PZP: variants seen among roughly 807,000 people sequenced by gnomAD.
PZP encodes the protein PZP alpha-2-macroglobulin like, also known as pregnancy zone protein.
PZP carries 150 observed loss-of-function variants against 179.8 expected under a neutral mutation model. The ratio of observed to expected loss-of-function variants is 0.83; its 90% CI spans 0.73 to 0.96. PZP has a LOEUF of 0.96. Among genes scored for constraint, PZP ranks in the 40% least tolerant of loss-of-function variants. The probability of loss-of-function intolerance (pLI) is 0.00; values close to 1 mark genes in which losing one functional copy is unlikely to be tolerated. For synonymous variants in PZP, 624 were observed against 652.3 expected (o/e 0.96, Z 0.66); for missense variants, 1,689 against 1,764.0 (o/e 0.96, Z 0.76).
chr12:9,141,224 C>T, the PZP span, among the ~76,000 whole-genome samples: 1 of 152,142 alleles, frequency 6.6e-6, no homozygotes, highest in African/African-American at 2.4e-5. Flanking sequence ...CTTTGGAACA[C>T]ATACCAATAA....
chr12:9,202,876 T>G (rs144058119), intron 2 of PZP, among the ~76,000 whole-genome samples, 192 bp from the exon 3 acceptor site: 27 of 152,310 alleles, frequency 1.8e-4, no homozygotes, highest in African/African-American at 6.5e-4. Flanking sequence ...TGGCCATCAA[T>G]AGAACCCAGA....
intron 15 of PZP, among the ~76,000 whole-genome samples, chr12:9,175,831 A>T (rs759490064): frequency 6.6e-6 from 1 of 150,704 alleles, no homozygotes; most frequent in South Asian, 2.1e-4. Flanking sequence ...GGTTGCAGAG[A>T]AAAAGGAATG....
chr12:9,202,092 T>C (rs1944193735), intron 4 of PZP, among the ~76,000 whole-genome samples: 1 of 152,190 alleles, frequency 6.6e-6, no homozygotes, highest in South Asian at 2.1e-4. Context: ...GAGTAACAAA[T>C]GCAGCTATTG....
At chr12:9,162,983 A>G (rs1940775684) in intron 21 of PZP, among the ~76,000 whole-genome samples, 1 of 152,122 alleles carries the variant, frequency 6.6e-6, no homozygotes, top group South Asian at 2.1e-4. Flanking sequence ...CCATGTGTCT[A>G]TGTGTTTGCA....
intron 8 of PZP, 41 bp downstream of exon 8, chr12:9,196,971 G>T (rs1227993047): frequency 7.2e-7 from 1 of 1,385,638 alleles, no homozygotes; most frequent in Non-Finnish European, 1.0e-6. Context: ...CTCACTGGTT[G>T]TAAACAGTGA....
At chr12:9,160,070 G>A (rs1941061894) in intron 24 of PZP, 45 bp from the exon 25 acceptor site, 5 of 1,550,014 alleles carry the variant, frequency 3.2e-6, no homozygotes, top group East Asian at 2.2e-5. Flanking sequence ...TTAAAGAAAG[G>A]CAGGCCATCC....
rs780730863 is a variant in PZP at position 9,152,262 on chromosome 12, C to A, written c.4170G>T (p.Lys1390Asn). ...PASNMVIVDV[K>N]MVSGFIPLKP... ...TCAGGGGAATAAAACCAGATACCAT[C>A]TTTACATCAACAATCACCATATTGG... is the stretch of plus-strand genomic sequence containing the variant. Residue 1390 changes from lysine to asparagine, a missense_variant, in exon 32 of 36, where the codon AAG (lysine) becomes AAT (asparagine). Coordinates refer to ENST00000261336, the MANE Select transcript of PZP (RefSeq NM_002864.3). 6.2e-7 allele frequency: 1 copy of A among 1,613,152 alleles called. No homozygotes were observed. The highest frequency in any genetic ancestry group is 1.7e-5 in the Admixed American group (1 of 59,996).
At chr12:9,201,276 T>C (rs1259496000) in intron 5 of PZP, 51 bp downstream of exon 5, 5 of 1,458,512 alleles carry the variant, frequency 3.4e-6, no homozygotes, top group Non-Finnish European at 3.8e-6. Context: ...CAGAACCTCC[T>C]ACTCTCTAAA....
At chr12:9,143,120 T>A in the PZP span, among the ~76,000 whole-genome samples, 3 of 152,136 alleles carry the variant, frequency 2.0e-5, no homozygotes, top group East Asian at 3.8e-4. Context: ...AGGGTTGAGG[T>A]TAGAATTATG....
At position 9,161,083 on chromosome 12, in the gene PZP, A is replaced by G; in HGVS notation, c.2822T>C (p.Leu941Pro). ...AGATTCTTTGACCACATTTGATGGG[A>G]GCTTCAAGGACAACTGCTCAGACAC... ...ANVSEQLSLK[L>P]PSNVVKESAR... Residue 941 changes from leucine (L) to proline (P), a missense_variant, in exon 23 of 36, where the codon CTC becomes CCC. This residue lies in a region of PZP where 746 missense variants were observed against 749.2 expected (regional missense o/e 1.00). Coordinates refer to ENST00000261336, the MANE Select transcript of PZP (RefSeq NM_002864.3). 2 of 1,602,300 alleles carry G rather than the reference A, an allele frequency of 1.2e-6. No individual in the cohort carries two copies. The highest frequency in any genetic ancestry group is 1.7e-6 in the Non-Finnish European group (2 of 1,170,152).
Position 9,160,299 on chromosome 12 carries a change from C to G in PZP, c.3049+15G>C, listed in dbSNP as rs754042818. Reference sequence around the variant, plus strand: ...CATTAGAGTAACAAAGTAAATTTTTCTCTGTCTCACTTACCAGTGATGAGA... The same window carrying G: ...CATTAGAGTAACAAAGTAAATTTTTGTCTGTCTCACTTACCAGTGATGAGA... On this transcript the variant is annotated intron_variant, in intron 24 of 35. Coordinates refer to ENST00000261336, the MANE Select transcript of PZP (RefSeq NM_002864.3). The G allele has an allele frequency of 1.3e-6, 2 of 1,583,500 alleles. No homozygotes were observed. Among genetic ancestry groups the G allele is most frequent in the Non-Finnish European group, 8.6e-7 (1 of 1,166,318 alleles).
At chr12:9,185,814 C>CTTTTCTTTTCTTTT (rs892496380) in intron 13 of PZP, among the ~76,000 whole-genome samples, 1 of 147,234 alleles carries the variant, frequency 6.8e-6, no homozygotes, top group Non-Finnish European at 1.5e-5. Flanking sequence ...CTTTTCTTTT[C>CTTTTCTTTTCTTTT]TTTTTTTTTT....
chr12:9,195,260 T>A (rs1943702560), intron 10 of PZP, among the ~76,000 whole-genome samples: 1 of 152,112 alleles, frequency 6.6e-6, no homozygotes, highest in Admixed American at 6.5e-5. Flanking sequence ...AAAAATACAT[T>A]AGAAGATATT....
chr12:9,149,098 G>T, intron 35 of PZP, 104 bp from the exon 36 acceptor site: 1 of 986,050 alleles, frequency 1.0e-6, no homozygotes, highest in Non-Finnish European at 1.6e-6. Flanking sequence ...GAAACTTTGT[G>T]AAAGGCCAGA....
intron 13 of PZP, among the ~76,000 whole-genome samples, chr12:9,190,034 A>C (rs1943366502): frequency 6.6e-6 from 1 of 151,758 alleles, no homozygotes; most frequent in Non-Finnish European, 1.5e-5. Context: ...ATGCTTATAC[A>C]CTCTTGGTGG....
intron 17 of PZP, among the ~76,000 whole-genome samples, chr12:9,167,742 T>C (rs1389808550): frequency 1.3e-5 from 2 of 152,228 alleles, no homozygotes; most frequent in African/African-American, 4.8e-5. Flanking sequence ...AGCTCTTTTT[T>C]TCCTGAGTGT....
At chr12:9,204,905 C>T (rs1281327494) in intron 1 of PZP, among the ~76,000 whole-genome samples, 1 of 151,830 alleles carries the variant, frequency 6.6e-6, no homozygotes, top group Non-Finnish European at 1.5e-5. Context: ...GAACAGCCTG[C>T]ACAACATTGT....
Position 9,182,045 on chromosome 12 carries a change from G to A in PZP, c.1619C>T (p.Ala540Val), listed in dbSNP as rs1359755647. The A allele has an allele frequency of 6.2e-7, 1 of 1,613,584 alleles. No homozygotes were observed. The highest frequency in any genetic ancestry group is 1.1e-5 in the South Asian group (1 of 91,016). The change falls in exon 14 of 36, where the codon GCC becomes GTC. Residue 540 changes from alanine to valine, a missense_variant. Ala to Val is a moderately conservative substitution (Grantham distance 64). Coordinates refer to ENST00000261336, the MANE Select transcript of PZP (RefSeq NM_002864.3). ...AACAACTTCTCCATCTGGTAAAATG[G>A]CAAAGATGAACATTCGTGCAATGGG... ...VAPIARMFIF[A>V]ILPDGEVVGD... is the part of the protein sequence containing the mutation.
At chr12:9,196,245 T>G in intron 10 of PZP, 85 bp downstream of exon 10, 2 of 886,792 alleles carry the variant, frequency 2.3e-6, no homozygotes, top group Non-Finnish European at 3.5e-6. Context: ...CTGATAACAC[T>G]AACCAAGTGT....
Sources: allele counts gnomAD v4.1 joint callset (sites outside exome capture counted in the v4.1 genomes callset), GRCh38; gene constraint gnomAD v4.1.1; regional missense constraint gnomAD v4.1.1; transcripts MANE v1.5; gene names NCBI Gene and HGNC (gene_info 2026-07-23, HGNC 2026-07-21).